Variants in MTHFD1L observed in about 807,000 individuals in gnomAD.
The protein encoded by MTHFD1L is monofunctional C1-tetrahydrofolate synthase, mitochondrial.
MTHFD1L carries 81 observed loss-of-function variants against 119.5 expected under a neutral mutation model. The observed-to-expected ratio is 0.68, with a 90% CI of 0.57 to 0.82. The LOEUF (loss-of-function observed/expected upper bound fraction) is 0.82. Ranked by LOEUF, MTHFD1L falls within the 40% of genes least tolerant of loss-of-function variation. The pLI is 0.00. For synonymous variants in MTHFD1L, 430 were observed against 475.2 expected, an observed-to-expected ratio of 0.90 and a Z score of 1.24; for missense variants, 1,125 against 1,253.4, an observed-to-expected ratio of 0.90 and a Z score of 1.55.
chr6:150,865,898 C>A lies in MTHFD1L; in HGVS notation c.76C>A (p.Arg26Ser). Residue 26 changes from arginine (R) to serine (S), a missense_variant, in exon 1 of 28, where the codon CGT becomes AGT. Arg to Ser is a moderately radical substitution (Grantham distance 110). Coordinates refer to ENST00000367321, the MANE Select transcript of MTHFD1L (RefSeq NM_015440.5). ...PQPPGPPRRL[R>S]VPCRASSGGG... is the part of the protein sequence containing the mutation. ...GCCCCCGGGCCCTCCGCGCCGCCTCCGTGTGCCCTGTCGCGCTAGCAGCGG... is the reference window on the plus strand; with the variant it reads ...GCCCCCGGGCCCTCCGCGCCGCCTCAGTGTGCCCTGTCGCGCTAGCAGCGG... 8.4e-7 allele frequency: 1 copy of A among 1,194,124 alleles called. No individual in the cohort carries two copies. Among genetic ancestry groups the A allele is most frequent in the South Asian group, 3.9e-5 (1 of 25,900 alleles). 74.0% of individuals were successfully genotyped at this position (1,194,124 alleles called of 1,614,324 possible).
At position 151,015,809 on chromosome 6, in the gene MTHFD1L, C is replaced by A. The variant is rs2002445; in HGVS notation, c.2586+116C>A. 8,258 of 1,265,556 alleles carry A rather than the reference C, an allele frequency of 6.5e-3. 476 individuals carry two copies. The African/African-American group carries it at 0.11, about 17-fold the overall frequency. 78.4% of individuals were successfully genotyped at this position (1,265,556 alleles called of 1,614,324 possible). On this transcript the variant is annotated intron_variant, in intron 24 of 27. Coordinates refer to ENST00000367321, the MANE Select transcript of MTHFD1L (RefSeq NM_015440.5). ...AACTAAAGATAGAAGAGTTTAGGCC[C>A]GGTGCAGTGGCTCACGCCTGTAATC...
At chr6:150,966,400 AG>A (rs1012259626) in intron 19 of MTHFD1L, among the ~76,000 whole-genome samples, 1 of 152,182 alleles carries the variant, frequency 6.6e-6, no homozygotes, top group African/African-American at 2.4e-5. Flanking sequence ...GAGAACAGCA[AG>A]GGGGAAATTC....
chr6:150,882,693 A>G, intron 4 of MTHFD1L, 69 bp from the exon 5 acceptor site: 3 of 1,173,780 alleles, frequency 2.6e-6, no homozygotes, highest in Non-Finnish European at 3.4e-6. Flanking sequence ...CTTTTTATAT[A>G]AAGCTTCCTT....
At chr6:150,943,302 T>C (rs1793439303) in intron 13 of MTHFD1L, among the ~76,000 whole-genome samples, 1 of 151,320 alleles carries the variant, frequency 6.6e-6, no homozygotes, top group African/African-American at 2.4e-5. Context: ...ATAAAAATAC[T>C]TCATCCCTTT....
chr6:151,093,529 C>T (rs1008772576), intron 27 of MTHFD1L, among the ~76,000 whole-genome samples: 3 of 152,176 alleles, frequency 2.0e-5, no homozygotes, highest in African/African-American at 7.2e-5. Flanking sequence ...TGTTGGTGGG[C>T]ACCTGTAATC....
intron 24 of MTHFD1L, among the ~76,000 whole-genome samples, chr6:151,030,872 A>ATATGAACATTG (rs1408070033): frequency 6.6e-6 from 1 of 152,212 alleles, no homozygotes; most frequent in Non-Finnish European, 1.5e-5. Context: ...TCTTCAGCTA[A>ATATGAACATTG]TATGAACATT....
At chr6:151,031,710 T>C (rs1785366504) in intron 24 of MTHFD1L, among the ~76,000 whole-genome samples, 1 of 152,254 alleles carries the variant, frequency 6.6e-6, no homozygotes, top group African/African-American at 2.4e-5. Flanking sequence ...GTGAAATCTA[T>C]ATATCATTTC....
At chr6:150,978,914 G>A (rs1204924944) in intron 20 of MTHFD1L, among the ~76,000 whole-genome samples, 1 of 152,080 alleles carries the variant, frequency 6.6e-6, no homozygotes, top group Non-Finnish European at 1.5e-5. Context: ...TTTTCTCAAT[G>A]CTCTTTACCT....
chr6:150,976,338 C>G (rs4869962), intron 20 of MTHFD1L, among the ~76,000 whole-genome samples: 67,617 of 152,028 alleles, frequency 0.44, 17,167 homozygotes, highest in African/African-American at 0.65. Flanking sequence ...TTTGAAGCCT[C>G]AATGGGCTAA....
chr6:151,071,836 G>GTT (rs1791971307), intron 26 of MTHFD1L, among the ~76,000 whole-genome samples: 1 of 112,482 alleles, frequency 8.9e-6, no homozygotes, highest in African/African-American at 3.1e-5. Context: ...TGTAAGTACA[G>GTT]ATTTTTTTTT....
chr6:150,881,361 GT>G (rs1781369345), intron 4 of MTHFD1L, among the ~76,000 whole-genome samples: 1 of 152,136 alleles, frequency 6.6e-6, no homozygotes, highest in South Asian at 2.1e-4. Flanking sequence ...CACAATGTGT[GT>G]TCTTAGTACC....
At chr6:150,905,087 G>A (rs1182925926) in intron 7 of MTHFD1L, among the ~76,000 whole-genome samples, 1 of 141,184 alleles carries the variant, frequency 7.1e-6, no homozygotes, top group East Asian at 2.3e-4. Context: ...TTGTTGGAGT[G>A]CAGTGGTGTG....
At chr6:150,868,701 A>C (rs558476074) in intron 1 of MTHFD1L, among the ~76,000 whole-genome samples, 4 of 152,092 alleles carry the variant, frequency 2.6e-5, no homozygotes, top group Non-Finnish European at 1.5e-5. Flanking sequence ...CCAGATAGTA[A>C]ATATTTTAGG....
chr6:151,063,787 A>G (rs899333352), intron 26 of MTHFD1L, among the ~76,000 whole-genome samples: 4 of 152,202 alleles, frequency 2.6e-5, no homozygotes, highest in African/African-American at 9.6e-5. Context: ...CAAGAATGGG[A>G]TAGGAAGAAG....
chr6:151,073,739 G>T (rs1214304297), intron 26 of MTHFD1L, among the ~76,000 whole-genome samples: 4 of 151,516 alleles, frequency 2.6e-5, no homozygotes, highest in African/African-American at 4.9e-5. Flanking sequence ...CAAAAGAAAA[G>T]CCTAGTTAAC....
intron 26 of MTHFD1L, among the ~76,000 whole-genome samples, chr6:151,059,397 G>A (rs1484579603): frequency 6.6e-6 from 1 of 151,554 alleles, no homozygotes; most frequent in African/African-American, 2.4e-5. Context: ...GGCTGCTCTC[G>A]AACTCCTGAC....
chr6:151,041,543 A>G (rs576758808), intron 26 of MTHFD1L, among the ~76,000 whole-genome samples: 25 of 152,278 alleles, frequency 1.6e-4, no homozygotes, highest in African/African-American at 6.0e-4. Context: ...AGATAGTCCA[A>G]ACTGAGACCT....
intron 17 of MTHFD1L, among the ~76,000 whole-genome samples, chr6:150,960,057 A>G (rs556271200): frequency 7.2e-5 from 11 of 152,234 alleles, no homozygotes; most frequent in Non-Finnish European, 1.6e-4. Flanking sequence ...AGAGCATGGC[A>G]AAGAGCACAT....
chr6:150,866,410 G>A, intron 1 of MTHFD1L: 4 of 1,364,370 alleles, frequency 2.9e-6, no homozygotes, highest in Non-Finnish European at 3.8e-6. Context: ...TGCGGCTGGG[G>A]CGGAAACCAG....
Sources: allele counts gnomAD v4.1 joint callset (sites outside exome capture counted in the v4.1 genomes callset), GRCh38; gene constraint gnomAD v4.1.1; transcripts MANE v1.5; gene names NCBI Gene and HGNC (gene_info 2026-07-23, HGNC 2026-07-21).